AGBL1: variants seen among roughly 807,000 people sequenced by gnomAD.
AGBL1 encodes the protein cytosolic carboxypeptidase 4.
Under a neutral mutation model 118.9 loss-of-function variants are expected in AGBL1, and 130 were observed. That is an observed-to-expected ratio of 1.09 (90% CI 0.95 to 1.26). The LOEUF (loss-of-function observed/expected upper bound fraction) is 1.26. Among genes scored for constraint, AGBL1 ranks in the 50% most tolerant of loss-of-function variants. The pLI is 0.00. For missense variants in AGBL1, 1,584 were observed against 1,298.1 expected (o/e 1.22, Z -3.38); for synonymous variants, 555 against 478.9 (o/e 1.16, Z -2.08).
At chr15:86,863,670 C>T (rs2079588940) in intron 22 of AGBL1, among the ~76,000 whole-genome samples, 1 of 152,106 alleles carries the variant, frequency 6.6e-6, no homozygotes. Context: ...GGGACTTTCC[C>T]TGTGAGTAGC....
intron 18 of AGBL1, among the ~76,000 whole-genome samples, chr15:86,457,823 GAC>G (rs1326596766): frequency 1.3e-5 from 2 of 152,148 alleles, no homozygotes; most frequent in Non-Finnish European, 2.9e-5. Flanking sequence ...GGCAATGCCA[GAC>G]ACACATACTC....
At chr15:86,786,280 T>G (rs1312227503) in intron 22 of AGBL1, among the ~76,000 whole-genome samples, 2 of 151,770 alleles carry the variant, frequency 1.3e-5, no homozygotes, top group Non-Finnish European at 2.9e-5. Flanking sequence ...CAACAGTCCC[T>G]AGAGTGTGAT....
At chr15:86,606,403 G>A (rs2084578411) in intron 21 of AGBL1, among the ~76,000 whole-genome samples, 1 of 152,044 alleles carries the variant, frequency 6.6e-6, no homozygotes, top group Admixed American at 6.6e-5. Context: ...ACAGAGAGAT[G>A]GCCAAAATTA....
In AGBL1 at chr15:86,244,905, A is replaced by G. The variant is rs144494808; in HGVS notation, c.527-2766A>G. Reference sequence around the variant, plus strand: ...TAGGCTGCAAACTCCTTCAGGCAATAAATAACTCTCATGCTGTATGGCCAA... The same window carrying G: ...TAGGCTGCAAACTCCTTCAGGCAATGAATAACTCTCATGCTGTATGGCCAA... On this transcript the variant is annotated intron_variant, in intron 6 of 22. Transcript: ENST00000614907. Among the ~76,000 whole-genome samples the G allele has an allele frequency of 8.1e-4, 124 of 152,340 alleles. 1 individual carries two copies. The highest frequency in any genetic ancestry group is 3.4e-3 in the Middle Eastern group (1 of 294).
At position 86,674,547 on chromosome 15, in the gene AGBL1, G is replaced by A. The variant is rs893547197; in HGVS notation, c.3158+111G>A. 9.0e-6 allele frequency: 10 copies of A among 1,114,860 alleles called. No homozygotes were observed. In the African/African-American group the frequency reaches 1.3e-4, roughly 14 times the overall value. 69.1% of individuals were successfully genotyped at this position (1,114,860 alleles called of 1,614,324 possible). A position where few individuals can be genotyped will look rare whatever the true frequency, so the allele number is the denominator to read the frequency against. On this transcript the variant is annotated intron_variant, in intron 22 of 22. Coordinates refer to ENST00000614907, the MANE Select transcript of AGBL1 (RefSeq NM_001386094.1). ...AGGGGTCTTTACACAGAGAAAATAT[G>A]GAAGAATTCCCAAGTAAAGGTAGGT...
chr15:86,591,793 C>G lies in AGBL1; in HGVS notation c.2994+37256C>G, dbSNP rs1298323938. 4.6e-5 allele frequency among the ~76,000 whole-genome samples: 7 copies of G among 152,036 alleles called. No individual in the cohort carries two copies. The South Asian group carries it at 1.0e-3, about 23-fold the overall frequency. ...ATTAGTCACTGTTGATTAGTTTAACCTTTAGCCCCTCTCCTCTCCCTAAAA... is the reference window on the plus strand; with the variant it reads ...ATTAGTCACTGTTGATTAGTTTAACGTTTAGCCCCTCTCCTCTCCCTAAAA... On this transcript the variant is annotated intron_variant, in intron 21 of 22. Transcript: ENST00000614907.
At chr15:86,807,050 G>A (rs2141360249) in intron 22 of AGBL1, among the ~76,000 whole-genome samples, 1 of 152,020 alleles carries the variant, frequency 6.6e-6, no homozygotes, top group South Asian at 2.1e-4. Context: ...AAATAATCTG[G>A]CTCAAAACTA....
intron 21 of AGBL1, among the ~76,000 whole-genome samples, chr15:86,588,376 A>G (rs1030178679): frequency 6.6e-6 from 1 of 152,134 alleles, no homozygotes; most frequent in South Asian, 2.1e-4. Flanking sequence ...TAGTAATTCT[A>G]CTGTCCTAAA....
intron 24 of AGBL1, among the ~76,000 whole-genome samples, chr15:87,004,517 C>CT (rs1567282624): frequency 1.3e-5 from 2 of 151,976 alleles, no homozygotes; most frequent in Non-Finnish European, 1.5e-5. Flanking sequence ...TAACCCCTGC[C>CT]TTTTTTTGTT....
intron 21 of AGBL1, among the ~76,000 whole-genome samples, chr15:86,624,989 G>A (rs1402087922): frequency 2.0e-5 from 3 of 152,154 alleles, no homozygotes; most frequent in African/African-American, 4.8e-5. Flanking sequence ...GGAGGGGATC[G>A]ACATTTTGGC....
intron 22 of AGBL1, among the ~76,000 whole-genome samples, chr15:86,748,510 C>CTTTTTTATTTTTTTT (rs2077793205): frequency 1.0e-4 from 1 of 9,754 alleles, no homozygotes; most frequent in African/African-American, 2.2e-4. Flanking sequence ...TCAATTTTGG[C>CTTTTTTATTTTTTTT]TTTTTTTTTT....
intron 22 of AGBL1, among the ~76,000 whole-genome samples, chr15:86,800,272 C>T (rs908111683): frequency 6.6e-6 from 1 of 152,000 alleles, no homozygotes; most frequent in Non-Finnish European, 1.5e-5. Flanking sequence ...AAAACCATGC[C>T]ACAAAACTAT....
chr15:86,698,395 T>G (rs181026562), intron 22 of AGBL1, among the ~76,000 whole-genome samples: 14 of 152,132 alleles, frequency 9.2e-5, no homozygotes, highest in African/African-American at 3.4e-4. Flanking sequence ...TTCAGAGTGA[T>G]TAAACACTTT....
intron 17 of AGBL1, among the ~76,000 whole-genome samples, chr15:86,387,994 G>A (rs1453596071): frequency 2.0e-5 from 3 of 152,190 alleles, no homozygotes; most frequent in Non-Finnish European, 4.4e-5. Context: ...GTCACTGGAA[G>A]GCGGGTAGGG....
chr15:86,739,001 C>T (rs2141230857), intron 22 of AGBL1, among the ~76,000 whole-genome samples: 1 of 152,096 alleles, frequency 6.6e-6, no homozygotes, highest in South Asian at 2.1e-4. Flanking sequence ...AAAAAATTAG[C>T]TGGGCATGGT....
chr15:86,962,664 T>C (rs2081004722), intron 23 of AGBL1, among the ~76,000 whole-genome samples: 1 of 152,078 alleles, frequency 6.6e-6, no homozygotes, highest in Admixed American at 6.6e-5. Flanking sequence ...GATATTTTCT[T>C]TCCATGAAAA....
At chr15:86,307,349 T>C (rs532777439) in intron 17 of AGBL1, among the ~76,000 whole-genome samples, 1 of 152,342 alleles carries the variant, frequency 6.6e-6, no homozygotes, top group South Asian at 2.1e-4. Flanking sequence ...GATTCATTCA[T>C]TTAGCAAAGA....
chr15:86,336,362 G>A (rs772458162), intron 17 of AGBL1, among the ~76,000 whole-genome samples: 15 of 152,164 alleles, frequency 9.9e-5, no homozygotes, highest in South Asian at 2.1e-4. Flanking sequence ...TGCAAGAGAC[G>A]CCCCTGAGGT....
chr15:86,245,663 G>A (rs12443173), intron 6 of AGBL1, among the ~76,000 whole-genome samples: 15,609 of 152,062 alleles, frequency 0.1, 998 homozygotes, highest in South Asian at 0.17. Flanking sequence ...TTTTATGGGC[G>A]GTCCCAAACA....
Sources: gnomAD v4.1 joint callset for allele counts (sites outside exome capture counted in the v4.1 genomes callset) on GRCh38, gnomAD v4.1.1 for gene constraint, MANE v1.5 for transcripts, NCBI Gene and HGNC (gene_info 2026-07-23, HGNC 2026-07-21) for gene names.